Variants in ELP1 observed in about 807,000 individuals in gnomAD.
ELP1 encodes the protein elongator complex protein 1.
A neutral mutation model predicts 183.2 loss-of-function variants in ELP1; 131 were observed. The ratio of observed to expected loss-of-function variants is 0.72; its 90% CI spans 0.62 to 0.83. ELP1 has a LOEUF of 0.83. ELP1 is among the 40% of genes least tolerant of loss of function. ELP1 has a pLI of 0.00. For missense variants in ELP1, 1,550 were observed against 1,594.9 expected (o/e 0.97, Z 0.48); for synonymous variants, 555 against 569.0 (o/e 0.98, Z 0.35).
At chr9:108,917,778 A>G (rs1564101277) in intron 8 of ELP1, 108 bp from the exon 9 acceptor site, 20 of 1,157,942 alleles carry the variant, frequency 1.7e-5, no homozygotes, top group Non-Finnish European at 2.6e-5. Flanking sequence ...TGAATGAACG[A>G]ATTAATGAAT....
intron 14 of ELP1, 109 bp downstream of exon 14, chr9:108,906,194 T>A: frequency 4.8e-6 from 5 of 1,044,416 alleles, no homozygotes; most frequent in Non-Finnish European, 7.4e-6. Flanking sequence ...ACAAGAAAGC[T>A]ACTGCTCCTC....
chr9:108,891,544 TAC>T, intron 27 of ELP1, 140 bp from the exon 28 acceptor site: 2 of 759,796 alleles, frequency 2.6e-6, no homozygotes, highest in South Asian at 3.1e-5. Context: ...GATCAGTTAG[TAC>T]AGTCATTTTT....
chr9:108,911,048 A>G lies in ELP1; in HGVS notation c.1322T>C (p.Val441Ala). The change falls in exon 12 of 37, where the codon GTT becomes GCT. Residue 441 changes from valine to alanine, a missense_variant. Physicochemically the swap from Val to Ala is moderately conservative, Grantham distance 64. Transcript: ENST00000374647. ...AHPQKSNDLA[V>A]LDASNQISVY... The stretch of plus-strand genomic sequence containing the variant: ...AGAAATCTGGTTACTGGCATCTAGA[A>G]CAGCAAGGTCATTACTCTTTTGAGG... 6.2e-7 allele frequency: 1 copy of G among 1,614,188 alleles called. No individual in the cohort carries two copies. Among genetic ancestry groups the G allele is most frequent in the Non-Finnish European group, 8.5e-7 (1 of 1,180,012 alleles).
In ELP1 at chr9:108,873,236, T is replaced by A. The variant is rs928090629; in HGVS notation, c.3931+1659A>T. Reference sequence around the variant, plus strand: ...ACTAAATTTTTGCAAGACTTGCAATTGATCTGCATGATATTGTATTGCATC... The same window carrying A: ...ACTAAATTTTTGCAAGACTTGCAATAGATCTGCATGATATTGTATTGCATC... On this transcript the variant is annotated intron_variant, in intron 36 of 36. Coordinates refer to ENST00000374647, the MANE Select transcript of ELP1 (RefSeq NM_003640.5). Among the ~76,000 whole-genome samples, 3 of 152,370 alleles carry A rather than the reference T, an allele frequency of 2.0e-5. No individual in the cohort carries two copies. The South Asian group carries it at 6.2e-4, about 32-fold the overall frequency.
chr9:108,885,470 T>C (rs994608854), intron 29 of ELP1, among the ~76,000 whole-genome samples: 3 of 152,074 alleles, frequency 2.0e-5, no homozygotes, highest in Admixed American at 2.0e-4. Flanking sequence ...AAGACACAGA[T>C]AAACTTGAAT....
intron 16 of ELP1, 52 bp downstream of exon 16, chr9:108,902,787 T>C: frequency 7.4e-7 from 1 of 1,349,452 alleles, no homozygotes; most frequent in Non-Finnish European, 1.1e-6. Flanking sequence ...CTTAATGCCA[T>C]CAGTCCCTGG....
At chr9:108,921,091 T>TG in intron 6 of ELP1, among the ~76,000 whole-genome samples, 2 of 152,318 alleles carry the variant, frequency 1.3e-5, no homozygotes, top group East Asian at 3.9e-4. Context: ...CCATTTGAAG[T>TG]ACACAATTCA....
At chr9:108,901,398 T>C (rs1345070839) in intron 18 of ELP1, 27 bp downstream of exon 18, 9 of 1,486,872 alleles carry the variant, frequency 6.1e-6, no homozygotes, top group Middle Eastern at 1.7e-4. Flanking sequence ...GAAGGGACCA[T>C]TTCTGTTTTA....
intron 4 of ELP1, 57 bp from the exon 5 acceptor site, chr9:108,926,660 T>C: frequency 1.6e-6 from 2 of 1,275,296 alleles, no homozygotes; most frequent in East Asian, 2.4e-5. Context: ...TTGCCATTCC[T>C]AAGTACCTAT....
intron 24 of ELP1, 45 bp downstream of exon 24, chr9:108,896,908 C>T (rs1312092975): frequency 6.7e-7 from 1 of 1,486,478 alleles, no homozygotes; most frequent in Admixed American, 1.7e-5. Flanking sequence ...AGACTAGTAG[C>T]AGTCACGGCC....
intron 13 of ELP1, among the ~76,000 whole-genome samples, chr9:108,907,271 C>CAA (rs1427684582): frequency 2.6e-5 from 4 of 152,194 alleles, no homozygotes; most frequent in Non-Finnish European, 4.4e-5. Context: ...TGTGAAATCT[C>CAA]AGACGAATTG....
intron 31 of ELP1, among the ~76,000 whole-genome samples, chr9:108,881,000 A>G (rs998667216): frequency 6.6e-6 from 1 of 152,232 alleles, no homozygotes; most frequent in Admixed American, 6.5e-5. Flanking sequence ...TAAGGTTTCT[A>G]TAAGTCAAAC....
intron 29 of ELP1, among the ~76,000 whole-genome samples, chr9:108,888,972 AG>A (rs1359020277): frequency 1.3e-5 from 2 of 152,220 alleles, no homozygotes; most frequent in Non-Finnish European, 2.9e-5. Context: ...TGAGAGTAAA[AG>A]CCAAGAGTAT....
intron 29 of ELP1, among the ~76,000 whole-genome samples, chr9:108,884,856 G>C (rs1587878197): frequency 6.6e-6 from 1 of 152,196 alleles, no homozygotes; most frequent in East Asian, 1.9e-4. Flanking sequence ...AGAGGTGGAG[G>C]GATCACTTGA....
rs1182260370 is a variant in ELP1 at position 108,875,702 on chromosome 9, T to C, written c.3856-732A>G. On this transcript the variant is annotated intron_variant, in intron 35 of 36. Coordinates refer to ENST00000374647, the MANE Select transcript of ELP1 (RefSeq NM_003640.5). ...TTGAGGCCAGGAGTTCAAGACCAGC[T>C]TGGGCAACACAGCAAGACTCCCTCT... is the stretch of plus-strand genomic sequence containing the variant. 3 of 419,000 alleles carry C rather than the reference T, an allele frequency of 7.2e-6. No homozygotes were observed. The East Asian group carries it at 2.4e-4, about 34-fold the overall frequency. The allele number at this position is 419,000 out of a possible 1,614,324, so 26.0% of individuals were successfully genotyped here.
At chr9:108,932,741 T>C (rs566144309) in intron 1 of ELP1, among the ~76,000 whole-genome samples, 1 of 152,232 alleles carries the variant, frequency 6.6e-6, no homozygotes, top group South Asian at 2.1e-4. Flanking sequence ...GGAGGAAGAC[T>C]TCCCTCCACT....
chr9:108,877,990 C>G lies in ELP1; in HGVS notation c.3855+5G>C. On this transcript the variant is annotated splice_donor_5th_base_variant and intron_variant, in intron 35 of 36. Coordinates refer to ENST00000374647, the MANE Select transcript of ELP1 (RefSeq NM_003640.5). The stretch of plus-strand genomic sequence containing the variant: ...AAAATGCACACCGTCTCTGAGAAAA[C>G]TTACCGGGGTAGCTGAATTCTGCTG... The G allele has an allele frequency of 6.2e-7, 1 of 1,614,198 alleles. No individual in the cohort carries two copies. Among genetic ancestry groups the G allele is most frequent in the Non-Finnish European group, 8.5e-7 (1 of 1,180,028 alleles).
At chr9:108,917,819 G>A in intron 8 of ELP1, 149 bp from the exon 9 acceptor site, 1 of 907,856 alleles carries the variant, frequency 1.1e-6, no homozygotes, top group South Asian at 1.4e-5. Flanking sequence ...TAAATCCCAT[G>A]TGTCCCTTGT....
At chr9:108,891,512 T>C in intron 27 of ELP1, 108 bp from the exon 28 acceptor site, 2 of 994,590 alleles carry the variant, frequency 2.0e-6, no homozygotes, top group Non-Finnish European at 3.1e-6. Context: ...TTGAAAGAAT[T>C]ACCTGGGAAA....
Sources: allele counts gnomAD v4.1 joint callset (sites outside exome capture counted in the v4.1 genomes callset), GRCh38; gene constraint gnomAD v4.1.1; transcripts MANE v1.5; gene names NCBI Gene and HGNC (gene_info 2026-07-23, HGNC 2026-07-21).